HVCN1: variants seen among roughly 807,000 people sequenced by gnomAD.
HVCN1 encodes the protein hydrogen voltage gated channel 1.
HVCN1 carries 14 observed loss-of-function variants against 29.2 expected under a neutral mutation model. The observed-to-expected ratio is 0.48, with a 90% CI of 0.32 to 0.75. The LOEUF (loss-of-function observed/expected upper bound fraction) is 0.75. HVCN1 is among the 30% of genes least tolerant of loss of function. The pLI is 0.04. For missense variants in HVCN1, 263 were observed against 341.8 expected, an observed-to-expected ratio of 0.77 and a Z score of 1.82; for synonymous variants, 131 against 133.2, an observed-to-expected ratio of 0.98 and a Z score of 0.11.
chr12:110,697,370 G>T (rs2069508967), intron 2 of HVCN1, among the ~76,000 whole-genome samples: 1 of 152,156 alleles, frequency 6.6e-6, no homozygotes, highest in South Asian at 2.1e-4. Flanking sequence ...CCAAGAGGTA[G>T]AAGGAAAAAC....
chr12:110,654,326 A>G (rs1223583677), intron 5 of HVCN1, among the ~76,000 whole-genome samples: 1 of 152,108 alleles, frequency 6.6e-6, no homozygotes, highest in African/African-American at 2.4e-5. Flanking sequence ...AGGAGATGTC[A>G]CAGGGCTGCC....
rs1425354847 is a variant in HVCN1 at position 110,676,965 on chromosome 12, T to C, written c.21+6260A>G. The stretch of plus-strand genomic sequence containing the variant: ...CACTCACACCTGTAATCCCAGCACT[T>C]TGGGAGGCTGAGGGGGATCACTGAG... On this transcript the variant is annotated intron_variant, in intron 3 of 7. Transcript: ENST00000242607. The surrounding 1 kb of genome is among the most constrained non-coding windows in gnomAD (Gnocchi z 4.1). Among the ~76,000 whole-genome samples, 1 of 151,976 alleles carries C rather than the reference T, an allele frequency of 6.6e-6. No homozygotes were observed. The highest frequency in any genetic ancestry group is 1.5e-5 in the Non-Finnish European group (1 of 67,988).
At chr12:110,652,488 G>A (rs1159761961) in intron 5 of HVCN1, among the ~76,000 whole-genome samples, 1 of 152,152 alleles carries the variant, frequency 6.6e-6, no homozygotes, top group African/African-American at 2.4e-5. Context: ...GACGTCTTTT[G>A]CCAGCAAGGA....
chr12:110,697,464 AG>A (rs2069510353), intron 2 of HVCN1, among the ~76,000 whole-genome samples: 1 of 152,112 alleles, frequency 6.6e-6, no homozygotes, highest in African/African-American at 2.4e-5. Flanking sequence ...GGAAACTGAT[AG>A]GGTGAACAGC....
chr12:110,701,058 G>C (rs921253568), intron 2 of HVCN1, among the ~76,000 whole-genome samples: 1 of 152,248 alleles, frequency 6.6e-6, no homozygotes, highest in East Asian at 1.9e-4. Flanking sequence ...ACAGAGCAGA[G>C]AGCAGGGCCA....
chr12:110,701,715 G>A (rs1015128267), intron 2 of HVCN1, among the ~76,000 whole-genome samples: 1 of 151,812 alleles, frequency 6.6e-6, no homozygotes, highest in Non-Finnish European at 1.5e-5. Flanking sequence ...AAAGTAGCTG[G>A]GCATGGTGGT....
chr12:110,662,637 G>C (rs945633315), intron 3 of HVCN1, among the ~76,000 whole-genome samples: 1 of 152,178 alleles, frequency 6.6e-6, no homozygotes, highest in South Asian at 2.1e-4. Flanking sequence ...GCTGGGAGGC[G>C]TGGGTTGCAG....
At chr12:110,667,617 A>G (rs948936281) in intron 3 of HVCN1, among the ~76,000 whole-genome samples, 1 of 151,822 alleles carries the variant, frequency 6.6e-6, no homozygotes, top group African/African-American at 2.4e-5. Flanking sequence ...TTTTTTGTAG[A>G]GGCAGGGTTT....
At chr12:110,655,192 A>C in intron 5 of HVCN1, 42 bp downstream of exon 5, 6 of 1,493,530 alleles carry the variant, frequency 4.0e-6, no homozygotes, top group Non-Finnish European at 5.6e-6. Flanking sequence ...TAACACAAGC[A>C]AAACATATCA....
chr12:110,668,467 T>C (rs1593480067), intron 3 of HVCN1, among the ~76,000 whole-genome samples: 1 of 152,162 alleles, frequency 6.6e-6, no homozygotes, highest in Non-Finnish European at 1.5e-5. Context: ...ATCATGCCAC[T>C]GCACTCCAGC....
chr12:110,693,363 G>A (rs552248583), upstream of HVCN1, among the ~76,000 whole-genome samples: 1 of 152,142 alleles, frequency 6.6e-6, no homozygotes, highest in South Asian at 2.1e-4. Context: ...GGCCAACATG[G>A]TGAAACCCTG....
At position 110,648,815 on chromosome 12, in the gene HVCN1, T is replaced by A. The variant is rs867056000; in HGVS notation, c.*595A>T. 2.4e-5 allele frequency: 8 copies of A among 326,588 alleles called. No individual in the cohort carries two copies. Among genetic ancestry groups the A allele is most frequent in the South Asian group, 1.2e-4 (5 of 40,342 alleles). 20.2% of individuals were successfully genotyped at this position (326,588 alleles called of 1,614,324 possible). ...GAGAGAGTTTATTTTATACAGTAGT[T>A]GTTTTATTTTATACAGTAGTTGTAC... On this transcript the variant is annotated 3_prime_UTR_variant, in exon 8 of 8. Coordinates refer to ENST00000242607, the MANE Select transcript of HVCN1 (RefSeq NM_032369.4).
At chr12:110,655,502 A>G (rs924147747) in intron 4 of HVCN1, among the ~76,000 whole-genome samples, 164 bp from the exon 5 acceptor site, 5 of 152,182 alleles carry the variant, frequency 3.3e-5, no homozygotes, top group African/African-American at 1.2e-4. Flanking sequence ...ACCAGGATGG[A>G]GGCTGTGCAG....
chr12:110,682,356 C>G (rs568344601), intron 3 of HVCN1, among the ~76,000 whole-genome samples: 1 of 152,076 alleles, frequency 6.6e-6, no homozygotes, highest in Non-Finnish European at 1.5e-5. Flanking sequence ...CATGTCACCA[C>G]GCCTGGCTAA....
chr12:110,654,828 G>A (rs920412762), intron 5 of HVCN1, among the ~76,000 whole-genome samples: 3 of 152,122 alleles, frequency 2.0e-5, no homozygotes, highest in African/African-American at 7.2e-5. Context: ...CTGAGACAGG[G>A]TATGTCCACC....
Position 110,655,287 on chromosome 12 carries a change from G to A in HVCN1, c.358C>T (p.Leu120Phe). ...VLDALLVLAELILDLKIIQPD... is the reference protein window; with the variant it reads ...VLDALLVLAEFILDLKIIQPD... The stretch of plus-strand genomic sequence containing the variant: ...TGGATGATCTTCAGGTCCAGGATGA[G>A]CTCAGCAAGCACCAGGAGGGCATCC... Residue 120 changes from leucine (L) to phenylalanine (F), a missense_variant, in exon 5 of 8, where the codon CTC (leucine) becomes TTC (phenylalanine). This residue lies in a region of HVCN1 where 157 missense variants were observed against 181.3 expected (regional missense o/e 0.87). Coordinates refer to ENST00000242607, the MANE Select transcript of HVCN1 (RefSeq NM_032369.4). The A allele has an allele frequency of 1.2e-6, 2 of 1,613,868 alleles. No homozygotes were observed. Among genetic ancestry groups the A allele is most frequent in the Non-Finnish European group, 8.5e-7 (1 of 1,179,930 alleles).
At chr12:110,663,180 T>A (rs923075421) in intron 3 of HVCN1, among the ~76,000 whole-genome samples, 5 of 152,174 alleles carry the variant, frequency 3.3e-5, no homozygotes, top group African/African-American at 1.2e-4. Flanking sequence ...TTTGGCATGA[T>A]CTTGTCAAGT....
intron 3 of HVCN1, among the ~76,000 whole-genome samples, chr12:110,662,634 G>A (rs1231008673): frequency 6.6e-6 from 1 of 152,236 alleles, no homozygotes; most frequent in Non-Finnish European, 1.5e-5. Context: ...GAAGCTGGGA[G>A]GCGTGGGTTG....
intron 3 of HVCN1, among the ~76,000 whole-genome samples, chr12:110,681,902 A>G (rs2068992276): frequency 6.6e-6 from 1 of 152,034 alleles, no homozygotes; most frequent in Non-Finnish European, 1.5e-5. Context: ...TCACATATCA[A>G]AGACACAGTC....
Sources: allele counts gnomAD v4.1 joint callset (sites outside exome capture counted in the v4.1 genomes callset), GRCh38; gene constraint gnomAD v4.1.1; regional missense constraint gnomAD v4.1.1; non-coding constraint Gnocchi (gnomAD v3.1); transcripts MANE v1.5; gene names NCBI Gene and HGNC (gene_info 2026-07-23, HGNC 2026-07-21).